The following ARHGEF38 variants were observed in gnomAD, a reference collection of about 807,000 sequenced individuals.
ARHGEF38 encodes the protein Rho guanine nucleotide exchange factor (GEF) 38.
A neutral mutation model predicts 79.9 loss-of-function variants in ARHGEF38; 79 were observed. That is an observed-to-expected ratio of 0.99 (90% CI 0.82 to 1.19). The LOEUF (loss-of-function observed/expected upper bound fraction) is 1.19, where lower values mean the gene tolerates loss of function less well. ARHGEF38 is among the 50% of genes most tolerant of loss of function. The pLI, the probability that ARHGEF38 is intolerant of heterozygous loss-of-function variation, is 0.00. For synonymous variants in ARHGEF38, 366 were observed against 328.3 expected, an observed-to-expected ratio of 1.11 and a Z score of -1.24; for missense variants, 962 against 907.2, an observed-to-expected ratio of 1.06 and a Z score of -0.78.
chr4:105,668,540 A>T (rs1160170837), intron 13 of ARHGEF38, among the ~76,000 whole-genome samples: 1 of 152,126 alleles, frequency 6.6e-6, no homozygotes, highest in Admixed American at 6.5e-5. Flanking sequence ...CAGTATACTT[A>T]ATGGTTCATT....
intron 5 of ARHGEF38, among the ~76,000 whole-genome samples, chr4:105,638,210 C>G (rs1052566919): frequency 1.3e-5 from 2 of 152,016 alleles, no homozygotes; most frequent in Non-Finnish European, 2.9e-5. Context: ...CAAAAATTAT[C>G]CGTTTTTTAG....
At chr4:105,634,060 T>G (rs553952127) in intron 4 of ARHGEF38, among the ~76,000 whole-genome samples, 4 of 152,282 alleles carry the variant, frequency 2.6e-5, no homozygotes, top group African/African-American at 7.2e-5. Flanking sequence ...TTGCGCCAGA[T>G]CCACCAGGAT....
intron 3 of ARHGEF38, among the ~76,000 whole-genome samples, chr4:105,619,726 A>C (rs2110501155): frequency 6.6e-6 from 1 of 152,290 alleles, no homozygotes; most frequent in South Asian, 2.1e-4. Flanking sequence ...GGATAGCAGC[A>C]GCCCTATGTG....
At chr4:105,671,726 T>C (rs999762889) in intron 13 of ARHGEF38, among the ~76,000 whole-genome samples, 2 of 152,220 alleles carry the variant, frequency 1.3e-5, no homozygotes, top group Non-Finnish European at 2.9e-5. Flanking sequence ...TATTGTAATA[T>C]TTCACATTTG....
chr4:105,562,889 G>A (rs1046251811), intron 1 of ARHGEF38, among the ~76,000 whole-genome samples: 12 of 152,286 alleles, frequency 7.9e-5, no homozygotes, highest in African/African-American at 1.9e-4. Context: ...GGGAGAGGCC[G>A]AGCTGTGATG....
chr4:105,661,529 T>C (rs928795079), intron 10 of ARHGEF38, among the ~76,000 whole-genome samples: 1 of 149,866 alleles, frequency 6.7e-6, no homozygotes, highest in African/African-American at 2.4e-5. Context: ...GTTATAGCTA[T>C]CCTAATGGGT....
chr4:105,671,892 C>G (rs972638767), intron 13 of ARHGEF38, among the ~76,000 whole-genome samples: 5 of 152,044 alleles, frequency 3.3e-5, no homozygotes, highest in Non-Finnish European at 7.4e-5. Flanking sequence ...TGTGGTAGCA[C>G]TTTTTTTATT....
intron 1 of ARHGEF38, among the ~76,000 whole-genome samples, chr4:105,579,821 CG>C (rs1726693661): frequency 1.3e-5 from 2 of 152,110 alleles, no homozygotes; most frequent in South Asian, 4.2e-4. Flanking sequence ...AGCTTTTATT[CG>C]TACATGTGTT....
rs114145914 is a variant in ARHGEF38, at chr4:105,613,951, G to T, written c.508+444G>T. On this transcript the variant is annotated intron_variant, in intron 3 of 13. Transcript: ENST00000420470. ...AGGAATGTAAAACTATTAAAGGAAT[G>T]TAAGTTATTAAAAATTTACACAAGT... Among the ~76,000 whole-genome samples the T allele has an allele frequency of 7.1e-3, 1,077 of 152,122 alleles. 8 individuals are homozygous for T. The highest frequency in any genetic ancestry group is 0.021 in the African/African-American group (871 of 41,502).
chr4:105,644,769 G>A (rs1240202769), intron 5 of ARHGEF38, among the ~76,000 whole-genome samples: 1 of 152,148 alleles, frequency 6.6e-6, no homozygotes, highest in Admixed American at 6.6e-5. Context: ...ACCTTTGCAA[G>A]CCTCTGTTAA....
rs545767540 is a variant in ARHGEF38, at chr4:105,621,781, G to T, written c.508+8274G>T. 2.0e-5 allele frequency among the ~76,000 whole-genome samples: 3 copies of T among 152,276 alleles called. No homozygotes were observed. The East Asian group carries it at 5.8e-4, about 29-fold the overall frequency. On this transcript the variant is annotated intron_variant, in intron 3 of 13. Coordinates refer to ENST00000420470, the MANE Select transcript of ARHGEF38 (RefSeq NM_001242729.2). ...TTTTACTCAGGACACAAATAGGCTT[G>T]ACCTGGTTAATTTTGGCCAACTGGG...
rs144189480 is a variant in ARHGEF38, at chr4:105,559,111, C to T, written c.196+6150C>T. On this transcript the variant is annotated intron_variant, in intron 1 of 13. Coordinates refer to ENST00000420470, the MANE Select transcript of ARHGEF38 (RefSeq NM_001242729.2). ...CTTGATGCCATAATCATATTAGCAT[C>T]AGTACCTTTATGAATATTGATTTCC... is the stretch of plus-strand genomic sequence containing the variant. Among the ~76,000 whole-genome samples the T allele has an allele frequency of 3.3e-3, 504 of 151,786 alleles. 3 individuals carry two copies. Among genetic ancestry groups the T allele is most frequent in the South Asian group, 0.011 (55 of 4,800 alleles).
intron 2 of ARHGEF38, among the ~76,000 whole-genome samples, chr4:105,590,326 T>C (rs1023059952): frequency 4.6e-5 from 7 of 152,100 alleles, no homozygotes; most frequent in African/African-American, 1.7e-4. Flanking sequence ...TAACTCATCA[T>C]TAGGGTTGTA....
chr4:105,592,831 C>T (rs79395149), intron 2 of ARHGEF38, among the ~76,000 whole-genome samples: 11,024 of 152,254 alleles, frequency 0.072, 436 homozygotes, highest in Middle Eastern at 0.086. Context: ...TACCAACTTA[C>T]TGCATCTCTA....
At chr4:105,617,241 A>G (rs1728547038) in intron 3 of ARHGEF38, among the ~76,000 whole-genome samples, 1 of 152,240 alleles carries the variant, frequency 6.6e-6, no homozygotes, top group Admixed American at 6.5e-5. Context: ...TTGTGACTGC[A>G]AATGATAACA....
intron 3 of ARHGEF38, among the ~76,000 whole-genome samples, chr4:105,620,096 T>G (rs1243963333): frequency 6.6e-6 from 1 of 152,162 alleles, no homozygotes; most frequent in Non-Finnish European, 1.5e-5. Context: ...ATCTGAGAGC[T>G]CTGAGGAAGT....
intron 5 of ARHGEF38, among the ~76,000 whole-genome samples, chr4:105,643,952 G>A (rs1446507628): frequency 7.4e-6 from 1 of 134,624 alleles, no homozygotes; most frequent in Non-Finnish European, 1.5e-5. Flanking sequence ...CTGCAGCCTC[G>A]ACCTCCCCAG....
At chr4:105,645,119 C>T in intron 5 of ARHGEF38, 69 bp from the exon 6 acceptor site, 2 of 1,112,712 alleles carry the variant, frequency 1.8e-6, no homozygotes, top group Non-Finnish European at 2.3e-6. Flanking sequence ...ATCATAAAAA[C>T]ACACAAAAAT....
intron 2 of ARHGEF38, among the ~76,000 whole-genome samples, chr4:105,604,455 C>T (rs1262986103): frequency 6.6e-6 from 1 of 152,110 alleles, no homozygotes; most frequent in Non-Finnish European, 1.5e-5. Flanking sequence ...TTTTTCCTTT[C>T]ATTTATCATC....
Sources: allele counts gnomAD v4.1 joint callset (sites outside exome capture counted in the v4.1 genomes callset), GRCh38; gene constraint gnomAD v4.1.1; transcripts MANE v1.5; gene names NCBI Gene and HGNC (gene_info 2026-07-23, HGNC 2026-07-21).